The following GRID2 variants were observed in gnomAD, a reference collection of about 807,000 sequenced individuals.
The protein encoded by GRID2 is glutamate ionotropic receptor delta type subunit 2, also known as glutamate receptor ionotropic, delta-2.
A neutral mutation model predicts 114.8 loss-of-function variants in GRID2; 33 were observed. The ratio of observed to expected loss-of-function variants is 0.29; its 90% confidence interval spans 0.22 to 0.38. The LOEUF is 0.38. GRID2 is among the 10% of genes least tolerant of loss of function. The pLI is 1.00. For synonymous variants in GRID2, 505 were observed against 449.9 expected (o/e 1.12, Z -1.55); for missense variants, 1,184 against 1,257.7 (o/e 0.94, Z 0.89).
chr4:93,042,370 G>A (rs1351999606), intron 2 of GRID2, among the ~76,000 whole-genome samples: 1 of 134,006 alleles, frequency 7.5e-6, no homozygotes, highest in East Asian at 2.3e-4. Flanking sequence ...AGAACTTAAA[G>A]TATAATTTTA....
At chr4:92,761,872 G>A (rs915723402) in intron 2 of GRID2, among the ~76,000 whole-genome samples, 6 of 152,102 alleles carry the variant, frequency 3.9e-5, no homozygotes, top group Non-Finnish European at 7.4e-5. Flanking sequence ...TCCTGACTTC[G>A]ATTTGAAAAT....
At chr4:93,340,769 T>A (rs1457196819) in intron 8 of GRID2, among the ~76,000 whole-genome samples, 1 of 152,196 alleles carries the variant, frequency 6.6e-6, no homozygotes. Context: ...GTAACATTTA[T>A]ACCTAGAGCT....
At chr4:92,582,823 C>T (rs887705466) in intron 1 of GRID2, among the ~76,000 whole-genome samples, 1 of 151,576 alleles carries the variant, frequency 6.6e-6, no homozygotes, top group Admixed American at 6.6e-5. Flanking sequence ...CCAGTCTCTA[C>T]AAAAAATTTA....
intron 1 of GRID2, among the ~76,000 whole-genome samples, chr4:92,455,988 C>T (rs928463740): frequency 2.0e-5 from 3 of 152,088 alleles, no homozygotes; most frequent in Non-Finnish European, 4.4e-5. Flanking sequence ...TTGCTTATTT[C>T]ATATATTTGG....
At chr4:93,065,035 C>A (rs918802940) in intron 2 of GRID2, among the ~76,000 whole-genome samples, 2 of 151,692 alleles carry the variant, frequency 1.3e-5, no homozygotes, top group Non-Finnish European at 2.9e-5. Context: ...TTGAGGCTAT[C>A]GTGTTTTTGT....
chr4:93,702,796 C>G (rs1263151492), intron 14 of GRID2, among the ~76,000 whole-genome samples: 1 of 152,008 alleles, frequency 6.6e-6, no homozygotes, highest in Non-Finnish European at 1.5e-5. Context: ...AGCAGTAAAC[C>G]AAGTTTATAA....
intron 2 of GRID2, among the ~76,000 whole-genome samples, chr4:92,666,454 T>G (rs1157594081): frequency 2.0e-5 from 3 of 151,478 alleles, no homozygotes; most frequent in African/African-American, 7.3e-5. Context: ...GAACATACTT[T>G]ACTGTTTCTT....
intron 4 of GRID2, among the ~76,000 whole-genome samples, chr4:93,133,734 A>G (rs917794938): frequency 6.6e-6 from 1 of 152,136 alleles, no homozygotes; most frequent in African/African-American, 2.4e-5. Flanking sequence ...CCTAATTACC[A>G]ACAGAAAGCT....
intron 3 of GRID2, among the ~76,000 whole-genome samples, chr4:93,095,547 C>T (rs1168318255): frequency 6.6e-6 from 1 of 151,884 alleles, no homozygotes; most frequent in African/African-American, 2.4e-5. Context: ...TAATAATGCA[C>T]ATAGAAAATC....
At chr4:93,739,945 C>T (rs1731232413) in intron 14 of GRID2, among the ~76,000 whole-genome samples, 1 of 152,070 alleles carries the variant, frequency 6.6e-6, no homozygotes, top group Admixed American at 6.6e-5. Flanking sequence ...GCCACCCTGC[C>T]TCTTGTTCAG....
rs1350763649 is a variant in GRID2 at position 93,772,160 on chromosome 4, T to C, written c.2686T>C (p.Ser896Pro). Reference protein sequence around the residue: ...TDDDSPHKQFSTSSIDLTPLD... With the variant: ...TDDDSPHKQFPTSSIDLTPLD... ...TGACGACAGCCCCCATAAACAGTTT[T>C]CCACCTCGTCAATTGATTTGACCCC... Residue 896 changes from serine (S) to proline (P), a missense_variant, in exon 16 of 16, where the codon TCC (serine) becomes CCC (proline). By Grantham distance (74) the Ser-to-Pro change is moderately conservative. This residue lies in a region of GRID2 where 717 missense variants were observed against 796.9 expected (regional missense o/e 0.90). Transcript: ENST00000282020. 6.2e-7 allele frequency: 1 copy of C among 1,613,608 alleles called. No homozygotes were observed. The highest frequency in any genetic ancestry group is 8.5e-7 in the Non-Finnish European group (1 of 1,179,576).
intron 1 of GRID2, among the ~76,000 whole-genome samples, chr4:92,498,369 A>T (rs1723497482): frequency 6.6e-6 from 1 of 151,918 alleles, no homozygotes. Context: ...TTGTGCAGTA[A>T]GAGCATATAT....
chr4:92,475,984 GT>G (rs1722291047), intron 1 of GRID2, among the ~76,000 whole-genome samples: 2 of 149,240 alleles, frequency 1.3e-5, no homozygotes, highest in South Asian at 4.2e-4. Flanking sequence ...TTTGTTGTTA[GT>G]GTATAGAAAT....
intron 4 of GRID2, among the ~76,000 whole-genome samples, chr4:93,202,937 A>AAT (rs906724797): frequency 3.6e-4 from 54 of 151,998 alleles, no homozygotes; most frequent in South Asian, 4.1e-4. Context: ...TGTTTCACTG[A>AAT]ATATATATAT....
intron 10 of GRID2, among the ~76,000 whole-genome samples, chr4:93,432,300 T>G (rs1560613620): frequency 6.6e-6 from 1 of 152,140 alleles, no homozygotes; most frequent in African/African-American, 2.4e-5. Flanking sequence ...ATATCAAGGT[T>G]GAGACATGGT....
chr4:92,976,324 C>T (rs902035439), intron 2 of GRID2, among the ~76,000 whole-genome samples: 4 of 151,930 alleles, frequency 2.6e-5, no homozygotes, highest in African/African-American at 4.8e-5. Context: ...AAATCATTTT[C>T]GTAGTGAATA....
chr4:93,804,664 T>C (rs981442587), intron 1 of GRID2, among the ~76,000 whole-genome samples: 1 of 152,164 alleles, frequency 6.6e-6, no homozygotes, highest in African/African-American at 2.4e-5. Context: ...AAGAAGTCCT[T>C]AAGAAATATT....
At chr4:92,667,409 A>G (rs1324229539) in intron 2 of GRID2, among the ~76,000 whole-genome samples, 6 of 151,686 alleles carry the variant, frequency 4.0e-5, no homozygotes, top group African/African-American at 1.4e-4. Flanking sequence ...GTCCCATAAT[A>G]TAAAATTTAG....
intron 11 of GRID2, among the ~76,000 whole-genome samples, chr4:93,487,111 TA>T (rs1226952923): frequency 6.6e-6 from 1 of 151,840 alleles, no homozygotes; most frequent in Non-Finnish European, 1.5e-5. Context: ...AATTTGTACA[TA>T]AGTTATCCTT....
Sources: gnomAD v4.1 joint callset for allele counts (sites outside exome capture counted in the v4.1 genomes callset) on GRCh38, gnomAD v4.1.1 for gene constraint, gnomAD v4.1.1 regional missense constraint, MANE v1.5 for transcripts, NCBI Gene and HGNC (gene_info 2026-07-23, HGNC 2026-07-21) for gene names.